Variants in LRRTM4 observed in about 807,000 individuals in gnomAD.
LRRTM4 encodes the protein leucine rich repeat transmembrane neuronal 4.
In LRRTM4, 25 loss-of-function variants were observed where a neutral mutation model predicts 47.6. The observed-to-expected ratio is 0.53, with a 90% confidence interval of 0.38 to 0.73. The LOEUF (loss-of-function observed/expected upper bound fraction) is 0.73, where lower values mean the gene tolerates loss of function less well. Ranked by LOEUF, LRRTM4 falls within the 30% of genes least tolerant of loss-of-function variation. The pLI is 0.00. For missense variants in LRRTM4, 638 were observed against 713.4 expected (o/e 0.89, Z 1.20); for synonymous variants, 311 against 269.5 (o/e 1.15, Z -1.51).
chr2:77,248,227 GTA>G (rs1165870771), intron 3 of LRRTM4, among the ~76,000 whole-genome samples: 4 of 151,498 alleles, frequency 2.6e-5, no homozygotes, highest in Non-Finnish European at 4.4e-5. Context: ...TTTTATGTGA[GTA>G]TATGTGTGTT....
rs1196832952 is a variant in LRRTM4, at chr2:76,816,847, T to G, written c.1552-67931A>C. Among the ~76,000 whole-genome samples, 754 of 76,880 alleles carry G rather than the reference T, an allele frequency of 9.8e-3. 21 individuals are homozygous for G. The highest frequency in any genetic ancestry group is 0.052 in the East Asian group (91 of 1,736). The allele number at this position is 76,880 out of a possible 152,430, so 50.4% of individuals were successfully genotyped here. On this transcript the variant is annotated intron_variant, in intron 3 of 3. Coordinates refer to ENST00000409884, the MANE Select transcript of LRRTM4 (RefSeq NM_001134745.3). ...TTTTTTTTTTTTTTTTTTTTTTTTT[T>G]TTTTTTTTTTTTTTTGGTGCTTAAG...
At chr2:76,781,958 T>G (rs998013684) in intron 3 of LRRTM4, among the ~76,000 whole-genome samples, 31 of 152,226 alleles carry the variant, frequency 2.0e-4, no homozygotes, top group Non-Finnish European at 8.8e-5. Context: ...CTTGACATTT[T>G]TTTAAAGCCA....
At chr2:76,812,447 AAG>A (rs936981916) in intron 3 of LRRTM4, among the ~76,000 whole-genome samples, 10 of 152,258 alleles carry the variant, frequency 6.6e-5, no homozygotes, top group Admixed American at 5.9e-4. Flanking sequence ...CTCCATTCTT[AAG>A]AGAGTGTTGG....
At chr2:77,119,732 T>C (rs1160799592) in intron 3 of LRRTM4, among the ~76,000 whole-genome samples, 2 of 151,816 alleles carry the variant, frequency 1.3e-5, no homozygotes, top group Non-Finnish European at 3.0e-5. Context: ...AAATGTGGCT[T>C]ACATACATAG....
At chr2:76,831,744 A>G (rs529189015) in intron 3 of LRRTM4, among the ~76,000 whole-genome samples, 7 of 151,990 alleles carry the variant, frequency 4.6e-5, no homozygotes, top group Non-Finnish European at 8.8e-5. Flanking sequence ...TCTCAGATCA[A>G]CCCCTCTTAT....
In LRRTM4 at chr2:77,021,868, T is replaced by C. The variant is rs75116199; in HGVS notation, c.1552-272952A>G. Among the ~76,000 whole-genome samples the C allele has an allele frequency of 3.4e-3, 522 of 152,328 alleles. 1 individual carries two copies. Among genetic ancestry groups the C allele is most frequent in the African/African-American group, 0.012 (497 of 41,586 alleles). On this transcript the variant is annotated intron_variant, in intron 3 of 3. Coordinates refer to ENST00000409884, the MANE Select transcript of LRRTM4 (RefSeq NM_001134745.3). ...ATATACACATACATTGTTTAATGATTGCCACACCCAAATTAATTATGGTAT... is the reference window on the plus strand; with the variant it reads ...ATATACACATACATTGTTTAATGATCGCCACACCCAAATTAATTATGGTAT...
chr2:77,449,558 A>T (rs1326062383), intron 3 of LRRTM4, among the ~76,000 whole-genome samples: 4 of 152,134 alleles, frequency 2.6e-5, no homozygotes, highest in Non-Finnish European at 5.9e-5. Flanking sequence ...CTCATTTCCC[A>T]GTCTCTCTTA....
chr2:76,776,146 C>A (rs1258162128), intron 3 of LRRTM4, among the ~76,000 whole-genome samples: 3 of 152,142 alleles, frequency 2.0e-5, no homozygotes, highest in Non-Finnish European at 4.4e-5. Flanking sequence ...TTTTCTTAAT[C>A]CAGTCTATCA....
At chr2:77,054,605 A>T (rs2103782234) in intron 3 of LRRTM4, among the ~76,000 whole-genome samples, 1 of 152,312 alleles carries the variant, frequency 6.6e-6, no homozygotes, top group South Asian at 2.1e-4. Context: ...AAACTAGATT[A>T]TTTCTCATTA....
chr2:76,934,865 G>T lies in LRRTM4; in HGVS notation c.1552-185949C>A, dbSNP rs373993491. Among the ~76,000 whole-genome samples the T allele has an allele frequency of 6.0e-5, 9 of 150,732 alleles. No homozygotes were observed. The East Asian group carries it at 1.5e-3, about 25-fold the overall frequency. ...AAAAACATAGAAGGTATTCAGCAGT[G>T]TATCAGCTTAATCTAACAATTCTGT... On this transcript the variant is annotated intron_variant, in intron 3 of 3. Coordinates refer to ENST00000409884, the MANE Select transcript of LRRTM4 (RefSeq NM_001134745.3).
chr2:76,812,210 C>G (rs1312981523), intron 3 of LRRTM4, among the ~76,000 whole-genome samples: 1 of 152,044 alleles, frequency 6.6e-6, no homozygotes, highest in South Asian at 2.1e-4. Context: ...CCTCCTACCC[C>G]ATATATCTAA....
At chr2:77,090,244 G>A (rs1416704438) in intron 3 of LRRTM4, among the ~76,000 whole-genome samples, 1 of 152,172 alleles carries the variant, frequency 6.6e-6, no homozygotes, top group African/African-American at 2.4e-5. Context: ...GCATAGTCAA[G>A]GTTAATGCTC....
chr2:77,110,388 C>T (rs1162541206), intron 3 of LRRTM4, among the ~76,000 whole-genome samples: 1 of 152,126 alleles, frequency 6.6e-6, no homozygotes, highest in East Asian at 1.9e-4. Flanking sequence ...CACAACCTTG[C>T]TAAAGTTTCT....
chr2:77,154,300 T>C (rs1672502015), intron 3 of LRRTM4, among the ~76,000 whole-genome samples: 1 of 152,210 alleles, frequency 6.6e-6, no homozygotes, highest in Non-Finnish European at 1.5e-5. Flanking sequence ...GCCAAATTTC[T>C]GTGCATTTGA....
In LRRTM4 at chr2:76,748,713, TAG is replaced by T. The variant is rs747210642; in HGVS notation, c.1753_1754del (p.Leu585ArgfsTer83). The T allele has an allele frequency of 3.7e-6, 6 of 1,609,840 alleles. No homozygotes were observed. The highest frequency in any genetic ancestry group is 5.1e-6 in the Non-Finnish European group (6 of 1,177,960). On this transcript the variant is annotated frameshift_variant, in exon 4 of 4. Transcript: ENST00000409884. LOFTEE classifies it high-confidence loss of function. The part of the protein sequence containing the change: ...IARSAAPAIY[L>X]ERIAN ...TTCAGCGTTAGTTTGCAATTCTCTC[TAG>T]GTAGATGGCCGGTGCTGCCGACCTG...
chr2:77,146,183 A>C (rs890983851), intron 3 of LRRTM4, among the ~76,000 whole-genome samples: 9 of 152,206 alleles, frequency 5.9e-5, no homozygotes, highest in South Asian at 2.1e-4. Context: ...TTTTGTTCCT[A>C]GGGATATAAG....
rs187711345 is a variant in LRRTM4, at chr2:77,304,994, T to C, written c.1551+213324A>G. On this transcript the variant is annotated intron_variant, in intron 3 of 3. Coordinates refer to ENST00000409884, the MANE Select transcript of LRRTM4 (RefSeq NM_001134745.3). ...GCAGAGCCTAAATTAGCCAATCTTT[T>C]CATTCATTCATTGTAGATTAATTCA... 1.6e-4 allele frequency among the ~76,000 whole-genome samples: 25 copies of C among 152,184 alleles called. No individual in the cohort carries two copies. The East Asian group carries it at 4.8e-3, about 29-fold the overall frequency.
chr2:77,163,642 G>C (rs1290496487), intron 3 of LRRTM4, among the ~76,000 whole-genome samples: 2 of 151,764 alleles, frequency 1.3e-5, no homozygotes. Context: ...AGAAGAGAGT[G>C]GGGGCCAATA....
At chr2:76,780,841 T>C (rs1240102648) in intron 3 of LRRTM4, among the ~76,000 whole-genome samples, 2 of 151,158 alleles carry the variant, frequency 1.3e-5, no homozygotes, top group Admixed American at 6.7e-5. Flanking sequence ...TGCTCTGCTT[T>C]TCAGAGTTTC....
Sources: gnomAD v4.1 joint callset for allele counts (sites outside exome capture counted in the v4.1 genomes callset) on GRCh38, gnomAD v4.1.1 for gene constraint, MANE v1.5 for transcripts, NCBI Gene and HGNC (gene_info 2026-07-23, HGNC 2026-07-21) for gene names.